CEP112: variants seen among roughly 807,000 people sequenced by gnomAD.
The protein encoded by CEP112 is centrosomal protein of 112 kDa.
A neutral mutation model predicts 153.0 loss-of-function variants in CEP112; 127 were observed. The ratio of observed to expected loss-of-function variants is 0.83; its 90% CI spans 0.72 to 0.96. The LOEUF is 0.96. Among genes scored for constraint, CEP112 ranks in the 40% least tolerant of loss-of-function variants. CEP112 has a pLI of 0.00. For missense variants in CEP112, 1,089 were observed against 1,101.2 expected (o/e 0.99, Z 0.16); for synonymous variants, 358 against 374.4 (o/e 0.96, Z 0.51).
At chr17:65,721,073 A>G (rs911707185) in intron 23 of CEP112, among the ~76,000 whole-genome samples, 15 of 142,326 alleles carry the variant, frequency 1.1e-4, no homozygotes, top group African/African-American at 3.7e-4. Context: ...GTGCAGTGGC[A>G]TGATCTCGGC....
chr17:66,034,665 A>G (rs1182614606), intron 12 of CEP112, among the ~76,000 whole-genome samples: 1 of 152,094 alleles, frequency 6.6e-6, no homozygotes, highest in Admixed American at 6.6e-5. Context: ...GAGAAAGAAA[A>G]AAAGAGATAA....
intron 21 of CEP112, among the ~76,000 whole-genome samples, chr17:65,802,587 AC>A (rs1568035698): frequency 6.6e-6 from 1 of 152,162 alleles, no homozygotes; most frequent in Non-Finnish European, 1.5e-5. Flanking sequence ...TCAATTCTTC[AC>A]TAAAACACCT....
At chr17:66,053,641 C>T in intron 12 of CEP112, 95 bp downstream of exon 12, 4 of 1,240,140 alleles carry the variant, frequency 3.2e-6, no homozygotes, top group Non-Finnish European at 4.4e-6. Context: ...TTCTGTAACA[C>T]ACTTCTTTCT....
At chr17:66,164,861 AAT>A (rs1235955509) in intron 4 of CEP112, among the ~76,000 whole-genome samples, 3 of 144,746 alleles carry the variant, frequency 2.1e-5, no homozygotes, top group South Asian at 2.3e-4. Context: ...TCTCAAAAAA[AAT>A]ATATATATAT....
intron 20 of CEP112, among the ~76,000 whole-genome samples, chr17:65,870,119 A>G (rs954568660): frequency 2.6e-5 from 4 of 150,960 alleles, no homozygotes; most frequent in Non-Finnish European, 5.9e-5. Context: ...AAAAAAAGCA[A>G]TCAGTGTATG....
Position 66,053,844 on chromosome 17 carries a change from C to T in CEP112, c.1110G>A (p.Lys370=). The T allele has an allele frequency of 6.2e-7, 1 of 1,613,294 alleles. No individual in the cohort carries two copies. Among genetic ancestry groups the T allele is most frequent in the Non-Finnish European group, 8.5e-7 (1 of 1,179,532 alleles). The change falls in exon 12 of 27, where the codon AAG becomes AAA. Residue 370 remains lysine, a synonymous_variant. Coordinates refer to ENST00000535342, the MANE Select transcript of CEP112 (RefSeq NM_001199165.4). Reference sequence around the variant, plus strand: ...CAGTGTGTTGCTTTTGAAGATCAAACTTTTCCTGTTCCATTTCTGCTACAG... The same window carrying T: ...CAGTGTGTTGCTTTTGAAGATCAAATTTTTCCTGTTCCATTTCTGCTACAG... ...HNAVAEMEQE[K]FDLQKQHTEN...
chr17:66,151,113 G>A (rs1568550922), intron 4 of CEP112, among the ~76,000 whole-genome samples: 1 of 133,760 alleles, frequency 7.5e-6, no homozygotes, highest in Non-Finnish European at 1.7e-5. Context: ...ATAATATAAA[G>A]TTGGCTCTTG....
At chr17:65,949,950 T>A (rs1490742987) in intron 18 of CEP112, among the ~76,000 whole-genome samples, 3 of 152,182 alleles carry the variant, frequency 2.0e-5, no homozygotes, top group South Asian at 2.1e-4. Flanking sequence ...TTTTTGGACA[T>A]GTATTTTCTA....
At chr17:65,662,412 C>A (rs1365647412) in intron 24 of CEP112, among the ~76,000 whole-genome samples, 5 of 152,098 alleles carry the variant, frequency 3.3e-5, no homozygotes. Context: ...CTAGTGTGCT[C>A]TTTCAGGAAT....
intron 19 of CEP112, among the ~76,000 whole-genome samples, chr17:65,907,521 CA>C (rs1034550362): frequency 6.6e-6 from 1 of 152,034 alleles, no homozygotes; most frequent in African/African-American, 2.4e-5. Flanking sequence ...ATTTAAAATG[CA>C]ATAGCTCAGG....
In CEP112 at chr17:66,132,703, T is replaced by TC; in HGVS notation, c.530dup (p.Glu178ArgfsTer12). 6.2e-7 allele frequency: 1 copy of TC among 1,613,786 alleles called. No individual in the cohort carries two copies. The highest frequency in any genetic ancestry group is 1.1e-5 in the South Asian group (1 of 91,072). The stretch of plus-strand genomic sequence containing the variant: ...TTGGGGTAATATTTTGTCCATCTTC[T>TC]CTGTGAGTTGGACTCAAGGAGTGTG... On this transcript the variant is annotated frameshift_variant, in exon 5 of 27. Transcript: ENST00000535342. LOFTEE classifies it high-confidence loss of function.
chr17:65,716,285 T>G (rs1256696267), intron 23 of CEP112, among the ~76,000 whole-genome samples: 1 of 151,882 alleles, frequency 6.6e-6, no homozygotes, highest in Admixed American at 6.6e-5. Flanking sequence ...GCCTCTCGAG[T>G]AGCTGGGATT....
chr17:65,882,174 C>A (rs2059102987), intron 20 of CEP112, among the ~76,000 whole-genome samples: 1 of 152,258 alleles, frequency 6.6e-6, no homozygotes, highest in African/African-American at 2.4e-5. Context: ...AAAAACAGAA[C>A]CTCCCTTCTG....
rs542906330 is a variant in CEP112 at position 65,836,340 on chromosome 17, A to C, written c.2394+15464T>G. Among the ~76,000 whole-genome samples, 3 of 152,338 alleles carry C rather than the reference A, an allele frequency of 2.0e-5. No individual in the cohort carries two copies. In the South Asian group the frequency reaches 6.2e-4, roughly 32 times the overall value. On this transcript the variant is annotated intron_variant, in intron 21 of 26. Coordinates refer to ENST00000535342, the MANE Select transcript of CEP112 (RefSeq NM_001199165.4). The stretch of plus-strand genomic sequence containing the variant: ...TAAATTCTCCAATTAAAAGACACAG[A>C]ATGGCTAAATGGATTTAAAAGAAAA...
intron 18 of CEP112, among the ~76,000 whole-genome samples, chr17:65,952,380 T>C (rs2061864622): frequency 6.6e-6 from 1 of 152,014 alleles, no homozygotes; most frequent in African/African-American, 2.4e-5. Context: ...ACTCAGTATA[T>C]ACTCTTCTGC....
chr17:65,821,541 T>TATATATAA (rs879642352), intron 21 of CEP112, among the ~76,000 whole-genome samples: 3 of 28,392 alleles, frequency 1.1e-4, no homozygotes, highest in African/African-American at 3.2e-4. Flanking sequence ...TATATATATA[T>TATATATAA]TTTTTTTTTT....
At position 66,029,166 on chromosome 17, in the gene CEP112, T is replaced by A; in HGVS notation, c.1460A>T (p.Asp487Val). 6.2e-7 allele frequency: 1 copy of A among 1,609,210 alleles called. No homozygotes were observed. The highest frequency in any genetic ancestry group is 8.5e-7 in the Non-Finnish European group (1 of 1,176,060). The change falls in exon 14 of 27, where the codon GAT becomes GTT. Residue 487 changes from aspartate to valine, a missense_variant. Physicochemically the swap from Asp to Val is radical, Grantham distance 152. Transcript: ENST00000535342. ...MKLLQTKYDA[D>V]INLLKQEHAL... ...ATGTTCTTGTTTTAGAAGGTTTATA[T>A]CAGCATCATATTTGGTTTGTAACAG... is the stretch of plus-strand genomic sequence containing the variant.
chr17:65,995,414 A>C (rs536772536), intron 17 of CEP112, among the ~76,000 whole-genome samples: 1 of 152,170 alleles, frequency 6.6e-6, no homozygotes, highest in African/African-American at 2.4e-5. Context: ...AAAATAGAAG[A>C]GGGTACACCT....
intron 21 of CEP112, among the ~76,000 whole-genome samples, chr17:65,782,999 A>G (rs1351289218): frequency 6.6e-6 from 1 of 152,208 alleles, no homozygotes; most frequent in Non-Finnish European, 1.5e-5. Flanking sequence ...ATAAAATTGA[A>G]AAAGAAATAT....
Sources: allele counts gnomAD v4.1 joint callset (sites outside exome capture counted in the v4.1 genomes callset), GRCh38; gene constraint gnomAD v4.1.1; transcripts MANE v1.5; gene names NCBI Gene and HGNC (gene_info 2026-07-23, HGNC 2026-07-21).